The following HMGN3 variants were observed in gnomAD, a reference collection of about 807,000 sequenced individuals.
HMGN3 encodes high mobility group nucleosome-binding domain-containing protein 3.
HMGN3 carries 6 observed loss-of-function variants against 18.8 expected under a neutral mutation model. That is an observed-to-expected ratio of 0.32 (90% confidence interval 0.18 to 0.63). The LOEUF (loss-of-function observed/expected upper bound fraction) is 0.63, where lower values mean the gene tolerates loss of function less well. HMGN3 is among the 30% of genes least tolerant of loss of function. The pLI is 0.79. For synonymous variants in HMGN3, 40 were observed against 36.5 expected (o/e 1.10, Z -0.35); for missense variants, 107 against 114.2 (o/e 0.94, Z 0.29).
chr6:79,201,681 T>A (rs1474714182), exon 6 of HMGN3: 1 of 1,567,872 alleles, frequency 6.4e-7, no homozygotes, highest in Non-Finnish European at 8.8e-7. Context: ...CAATTTTTCA[T>A]GACAATTCAT....
At chr6:79,224,409 T>C (rs1256124444) in intron 1 of HMGN3, among the ~76,000 whole-genome samples, 1 of 152,236 alleles carries the variant, frequency 6.6e-6, no homozygotes, top group Non-Finnish European at 1.5e-5. Flanking sequence ...AAAGGAGTGC[T>C]TCCTATTCTC....
rs1413234535 is a variant in HMGN3 at position 79,233,536 on chromosome 6, GGTGGGAGGGT to G, written c.15+1000_15+1009del. 5.9e-5 allele frequency among the ~76,000 whole-genome samples: 9 copies of G among 152,240 alleles called. No individual in the cohort carries two copies. The East Asian group carries it at 1.7e-3, about 29-fold the overall frequency. On this transcript the variant is annotated intron_variant, in intron 1 of 5. Coordinates refer to ENST00000344726, the Ensembl canonical transcript of HMGN3. ...CACTGTTGGAAACACTGAGGCTGGC[GGTGGGAGGGT>G]GCAAAGCACTTGCTTAGGAACCAGC...
At chr6:79,221,603 G>A (rs1777287532) in intron 1 of HMGN3, among the ~76,000 whole-genome samples, 1 of 152,200 alleles carries the variant, frequency 6.6e-6, no homozygotes, top group Non-Finnish European at 1.5e-5. Context: ...GTGGGGTGAT[G>A]AGCCCAATTT....
At chr6:79,217,024 T>C (rs1272628792) in intron 1 of HMGN3, among the ~76,000 whole-genome samples, 4 of 152,346 alleles carry the variant, frequency 2.6e-5, no homozygotes, top group East Asian at 3.8e-4. Flanking sequence ...ACAGGCAATA[T>C]GATGGAGTTC....
At chr6:79,201,844 C>A in intron 5 of HMGN3, 118 bp from the exon 7 acceptor site, 1 of 1,472,200 alleles carries the variant, frequency 6.8e-7, no homozygotes, top group Non-Finnish European at 8.9e-7. Flanking sequence ...TTTTTTCCAG[C>A]TTTACTGCAA....
chr6:79,208,693 C>T (rs1241191025), intron 2 of HMGN3, 117 bp from the exon 3 acceptor site: 2 of 822,368 alleles, frequency 2.4e-6, no homozygotes, highest in African/African-American at 3.4e-5. Context: ...ATGTATGATT[C>T]CCATCACCTT....
intron 1 of HMGN3, among the ~76,000 whole-genome samples, chr6:79,231,106 A>G (rs906215313): frequency 2.0e-5 from 3 of 152,202 alleles, no homozygotes; most frequent in Admixed American, 2.0e-4. Context: ...CTCATTAGAG[A>G]ATTTCTGATG....
Position 79,215,173 on chromosome 6 carries a change from C to T in HMGN3, c.16-151G>A. On this transcript the variant is annotated intron_variant, in intron 1 of 5. Coordinates refer to ENST00000344726, the Ensembl canonical transcript of HMGN3. ...AAATTACAACAGGGTATGTCTTTTA[C>T]ACACCTACGTGCATGCATGCACACA... 3 of 588,838 alleles carry T rather than the reference C, an allele frequency of 5.1e-6. No individual in the cohort carries two copies. In the South Asian group the frequency reaches 6.5e-5, roughly 13 times the overall value. The allele number at this position is 588,838 out of a possible 1,614,324, so 36.5% of individuals were successfully genotyped here. A position where few individuals can be genotyped will look rare whatever the true frequency, so the allele number is the denominator to read the frequency against.
exon 6 of HMGN3, chr6:79,201,374 T>C (rs1053731742): frequency 3.6e-6 from 1 of 279,968 alleles, no homozygotes; most frequent in Admixed American, 4.8e-5. Flanking sequence ...CTAGAAAAAC[T>C]GCATGAAAAA....
At chr6:79,233,948 C>G (rs1778002767) in intron 1 of HMGN3, 1 of 152,660 alleles carries the variant, frequency 6.6e-6, no homozygotes, top group Middle Eastern at 3.4e-3. Flanking sequence ...GCCGCCAGGC[C>G]CCGCCTCGCC....
intron 1 of HMGN3, among the ~76,000 whole-genome samples, chr6:79,229,649 G>A (rs1265847370): frequency 6.6e-6 from 1 of 152,150 alleles, no homozygotes; most frequent in Non-Finnish European, 1.5e-5. Flanking sequence ...AGGCCGAGAC[G>A]GGCGGATCAC....
rs569781530 is a variant in HMGN3, at chr6:79,214,457, A to T, written c.66+515T>A. On this transcript the variant is annotated intron_variant, in intron 2 of 5. Transcript: ENST00000344726. ...ACCTCGTGATCCGCCCGCCTCGGCC[A>T]CCCAAAATGCTGGGATTACAGGCGT... Among the ~76,000 whole-genome samples, 261 of 152,114 alleles carry T rather than the reference A, an allele frequency of 1.7e-3. 1 individual carries two copies. In the South Asian group the frequency reaches 0.017, roughly 10 times the overall value.
At chr6:79,224,109 G>A (rs892706198) in intron 1 of HMGN3, among the ~76,000 whole-genome samples, 3 of 152,162 alleles carry the variant, frequency 2.0e-5, no homozygotes, top group African/African-American at 7.2e-5. Flanking sequence ...GGTAAAACAT[G>A]ATTATATCCA....
intron 5 of HMGN3, 124 bp downstream of exon 6, chr6:79,201,939 A>C: frequency 6.9e-7 from 1 of 1,446,368 alleles, no homozygotes; most frequent in South Asian, 1.5e-5. Flanking sequence ...TCTGCTTTTC[A>C]AACCACCACA....
intron 2 of HMGN3, among the ~76,000 whole-genome samples, chr6:79,213,973 C>A (rs1776829009): frequency 6.6e-6 from 1 of 152,140 alleles, no homozygotes; most frequent in African/African-American, 2.4e-5. Flanking sequence ...AAAGTTATAT[C>A]TCTTTTCCTA....
intron 2 of HMGN3, among the ~76,000 whole-genome samples, chr6:79,211,780 G>T (rs1776702758): frequency 6.6e-6 from 1 of 152,080 alleles, no homozygotes; most frequent in African/African-American, 2.4e-5. Flanking sequence ...GAAAATTCTG[G>T]TGAAGCCTAT....
intron 3 of HMGN3, 113 bp from the exon 4 acceptor site, chr6:79,203,743 T>A: frequency 1.2e-6 from 1 of 808,490 alleles, no homozygotes; most frequent in Non-Finnish European, 2.0e-6. Flanking sequence ...ATGGCTTTGG[T>A]CATTAAAAAG....
intron 1 of HMGN3, among the ~76,000 whole-genome samples, chr6:79,232,514 G>A (rs1777893039): frequency 1.3e-5 from 2 of 152,104 alleles, no homozygotes; most frequent in South Asian, 4.1e-4. Flanking sequence ...TTTGCCCCTA[G>A]TCTCAGGACC....
At chr6:79,203,446 A>T in intron 4 of HMGN3, 134 bp downstream of exon 4, 1 of 800,780 alleles carries the variant, frequency 1.2e-6, no homozygotes, top group Non-Finnish European at 2.1e-6. Flanking sequence ...TTATGCCTTT[A>T]AGCAAGCCCG....
Sources: gnomAD v4.1 joint callset for allele counts (sites outside exome capture counted in the v4.1 genomes callset) on GRCh38, gnomAD v4.1.1 for gene constraint, MANE v1.5 for transcripts, NCBI Gene and HGNC (gene_info 2026-07-23, HGNC 2026-07-21) for gene names.